The following WWC2 variants were observed in gnomAD, a reference collection of about 807,000 sequenced individuals.
WWC2 encodes the protein WW and C2 domain containing 2, also known as protein WWC2.
Under a neutral mutation model 138.5 loss-of-function variants are expected in WWC2, and 101 were observed. That is an observed-to-expected ratio of 0.73 (90% CI 0.62 to 0.86). The LOEUF is 0.86. WWC2 is among the 40% of genes least tolerant of loss of function. The pLI is 0.00. For synonymous variants in WWC2, 558 were observed against 538.4 expected (o/e 1.04, Z -0.50); for missense variants, 1,420 against 1,419.4 (o/e 1.00, Z -0.01).
intron 1 of WWC2, among the ~76,000 whole-genome samples, chr4:183,138,910 C>T (rs1733205915): frequency 6.6e-6 from 1 of 152,154 alleles, no homozygotes; most frequent in African/African-American, 2.4e-5. Context: ...GATGTATTGT[C>T]AGGCTTGGGA....
At chr4:183,223,270 G>A (rs558386376) in intron 4 of WWC2, among the ~76,000 whole-genome samples, 4 of 152,346 alleles carry the variant, frequency 2.6e-5, no homozygotes, top group East Asian at 1.9e-4. Context: ...TGATATTCAC[G>A]TGATAGCAGA....
At chr4:183,171,665 C>T (rs1332535356) in intron 1 of WWC2, among the ~76,000 whole-genome samples, 1 of 152,124 alleles carries the variant, frequency 6.6e-6, no homozygotes, top group African/African-American at 2.4e-5. Flanking sequence ...AAATGGTTCC[C>T]AAAGCAAAGA....
chr4:183,161,675 C>CA, intron 1 of WWC2, among the ~76,000 whole-genome samples: 2 of 152,244 alleles, frequency 1.3e-5, no homozygotes, highest in African/African-American at 4.8e-5. Flanking sequence ...CAAATACTTA[C>CA]CATTGCGTTA....
At chr4:183,145,093 T>C (rs1733414557) in intron 1 of WWC2, among the ~76,000 whole-genome samples, 1 of 152,200 alleles carries the variant, frequency 6.6e-6, no homozygotes, top group Admixed American at 6.5e-5. Context: ...CAACTGCAGT[T>C]GGGAAGTAGC....
At chr4:183,166,518 G>A (rs1184168774) in intron 1 of WWC2, among the ~76,000 whole-genome samples, 1 of 152,110 alleles carries the variant, frequency 6.6e-6, no homozygotes, top group Non-Finnish European at 1.5e-5. Context: ...GCCTATAAAG[G>A]AGTTGGAATA....
At chr4:183,132,173 C>CA (rs1732946560) in intron 1 of WWC2, among the ~76,000 whole-genome samples, 1 of 152,054 alleles carries the variant, frequency 6.6e-6, no homozygotes, top group Non-Finnish European at 1.5e-5. Context: ...ATATCATTTA[C>CA]AAATAATGAC....
chr4:183,152,157 T>A (rs1733651065), intron 1 of WWC2, among the ~76,000 whole-genome samples: 1 of 152,058 alleles, frequency 6.6e-6, no homozygotes, highest in South Asian at 2.1e-4. Flanking sequence ...AGAAAAGGAT[T>A]TAACGTTTAT....
At chr4:183,235,990 A>G (rs538107107) in intron 4 of WWC2, among the ~76,000 whole-genome samples, 2 of 152,242 alleles carry the variant, frequency 1.3e-5, no homozygotes, top group African/African-American at 2.4e-5. Flanking sequence ...TGGGTTCAAT[A>G]TCATCCTTGT....
At chr4:183,115,773 T>C (rs1004968401) in intron 1 of WWC2, among the ~76,000 whole-genome samples, 2 of 152,168 alleles carry the variant, frequency 1.3e-5, no homozygotes, top group African/African-American at 4.8e-5. Context: ...ATAGTTTGCA[T>C]ATATTTTCTC....
intron 2 of WWC2, among the ~76,000 whole-genome samples, chr4:183,206,892 T>C (rs1378689277): frequency 6.6e-6 from 1 of 152,246 alleles, no homozygotes; most frequent in East Asian, 1.9e-4. Flanking sequence ...ATAAAATGTT[T>C]AGGGTAATCT....
intron 1 of WWC2, among the ~76,000 whole-genome samples, chr4:183,186,007 G>A (rs1734785610): frequency 6.7e-6 from 1 of 149,312 alleles, no homozygotes; most frequent in East Asian, 2.0e-4. Context: ...GAGTGCAATG[G>A]CGCAACCTCG....
chr4:183,118,444 T>A (rs933757140), intron 1 of WWC2, among the ~76,000 whole-genome samples: 4 of 152,234 alleles, frequency 2.6e-5, no homozygotes, highest in Non-Finnish European at 5.9e-5. Flanking sequence ...GTGTATCTGA[T>A]TCTATGTTTT....
intron 5 of WWC2, among the ~76,000 whole-genome samples, chr4:183,242,390 G>T (rs538457201): frequency 1.5e-3 from 234 of 152,282 alleles, no homozygotes; most frequent in African/African-American, 5.3e-3. Context: ...GAATTATAAT[G>T]TAATTTAAAC....
chr4:183,190,259 A>G (rs1734954837), intron 1 of WWC2, among the ~76,000 whole-genome samples: 1 of 152,218 alleles, frequency 6.6e-6, no homozygotes, highest in African/African-American at 2.4e-5. Flanking sequence ...GAAAGCTTGA[A>G]TGTGTAAGAA....
chr4:183,211,547 C>G (rs1054185782), intron 4 of WWC2, among the ~76,000 whole-genome samples: 2 of 152,092 alleles, frequency 1.3e-5, no homozygotes, highest in Non-Finnish European at 2.9e-5. Flanking sequence ...AAGGGCGGGT[C>G]AATTTCCAGT....
At chr4:183,268,129 A>G (rs1316114590) in intron 14 of WWC2, among the ~76,000 whole-genome samples, 1 of 152,162 alleles carries the variant, frequency 6.6e-6, no homozygotes, top group Non-Finnish European at 1.5e-5. Context: ...TCAGTTCTGC[A>G]TTTGAATTAC....
intron 21 of WWC2, among the ~76,000 whole-genome samples, chr4:183,311,359 C>T (rs766788136): frequency 5.3e-4 from 81 of 152,186 alleles, no homozygotes; most frequent in Non-Finnish European, 8.5e-4. Context: ...GTATGATTCT[C>T]GTGAGCATAA....
chr4:183,294,060 C>A (rs980994123), intron 21 of WWC2, among the ~76,000 whole-genome samples: 8 of 152,006 alleles, frequency 5.3e-5, no homozygotes, highest in Middle Eastern at 3.4e-3. Context: ...GTTAAATATT[C>A]TAGGCTCTGG....
chr4:183,315,801 T>G lies in WWC2; in HGVS notation c.*72T>G. ...GAGGGTAAAAGACTGAAGATTTGTG[T>G]TTTTGTTTTGGTGTTTGGTTTTTTT... is the stretch of plus-strand genomic sequence containing the variant. On this transcript the variant is annotated 3_prime_UTR_variant, in exon 23 of 23. Transcript: ENST00000403733. The G allele has an allele frequency of 7.5e-7, 1 of 1,326,542 alleles. No individual in the cohort carries two copies. The highest frequency in any genetic ancestry group is 1.0e-6 in the Non-Finnish European group (1 of 966,184). 82.2% of individuals were successfully genotyped at this position (1,326,542 alleles called of 1,614,324 possible).
Sources: allele counts gnomAD v4.1 joint callset (sites outside exome capture counted in the v4.1 genomes callset), GRCh38; gene constraint gnomAD v4.1.1; transcripts MANE v1.5; gene names NCBI Gene and HGNC (gene_info 2026-07-23, HGNC 2026-07-21).